PPM1A: variants seen among roughly 807,000 people sequenced by gnomAD.
PPM1A encodes protein phosphatase 1A.
In PPM1A, 7 loss-of-function variants were observed where a neutral mutation model predicts 35.0. That is an observed-to-expected ratio of 0.20 (90% CI 0.11 to 0.38). The LOEUF (loss-of-function observed/expected upper bound fraction) is 0.38. PPM1A is among the 10% of genes least tolerant of loss of function. PPM1A has a pLI of 1.00. For missense variants in PPM1A, 239 were observed against 467.8 expected (o/e 0.51, Z 4.51); for synonymous variants, 153 against 167.3 (o/e 0.91, Z 0.66).
Position 60,249,847 on chromosome 14 carries a change from G to A in PPM1A, c.-21+170G>A, listed in dbSNP as rs1299949129. ...GCCGGCCTCCTCCCCCGAGCCGGGC[G>A]GCGGACGGCGAGGGGTTAACGCTCG... On this transcript the variant is annotated intron_variant, in intron 1 of 5. Coordinates refer to ENST00000395076, the MANE Select transcript of PPM1A (RefSeq NM_021003.5). The surrounding 1 kb of genome is among the most constrained non-coding windows in gnomAD (Gnocchi z 4.5). Among the ~76,000 whole-genome samples, 7 of 151,444 alleles carry A rather than the reference G, an allele frequency of 4.6e-5. No homozygotes were observed. The highest frequency in any genetic ancestry group is 1.7e-4 in the African/African-American group (7 of 41,332).
rs773398411 is a variant in PPM1A at position 60,282,979 on chromosome 14, T to A, written c.276T>A (p.Pro92=). ...NQDFKGSAGA[P]SVENVKNGIR... is the part of the protein sequence containing the mutation. The stretch of plus-strand genomic sequence containing the variant: ...ATTTTAAAGGGTCTGCAGGAGCACC[T>A]TCTGTGGAAAATGTAAAGAATGGAA... The change falls in exon 2 of 6, where the codon CCT becomes CCA. Residue 92 remains proline (P), a synonymous_variant. Coordinates refer to ENST00000395076, the MANE Select transcript of PPM1A (RefSeq NM_021003.5). The surrounding 1 kb of genome is among the most constrained non-coding windows in gnomAD (Gnocchi z 5.1). 2.5e-6 allele frequency: 4 copies of A among 1,614,224 alleles called. No homozygotes were observed. The highest frequency in any genetic ancestry group is 3.4e-6 in the Non-Finnish European group (4 of 1,180,032).
Position 60,283,576 on chromosome 14 carries a change from G to C in PPM1A, c.834+39G>C. 1.3e-6 allele frequency: 2 copies of C among 1,550,536 alleles called. No homozygotes were observed. Among genetic ancestry groups the C allele is most frequent in the Non-Finnish European group, 1.7e-6 (2 of 1,152,016 alleles). ...TTTTAAAAACATAAAATGATTTTATGCCATATTAATCACTACTCTAGTATT... is the reference window on the plus strand; with the variant it reads ...TTTTAAAAACATAAAATGATTTTATCCCATATTAATCACTACTCTAGTATT... On this transcript the variant is annotated intron_variant, in intron 2 of 5. Coordinates refer to ENST00000395076, the MANE Select transcript of PPM1A (RefSeq NM_021003.5). The surrounding 1 kb of genome is among the most constrained non-coding windows in gnomAD (Gnocchi z 6.3).
chr14:60,266,131 T>C (rs918499028), intron 1 of PPM1A, among the ~76,000 whole-genome samples: 3 of 152,164 alleles, frequency 2.0e-5, no homozygotes, highest in African/African-American at 7.2e-5. Context: ...GTTTAATAGC[T>C]AGCAGGATTG....
At chr14:60,260,726 T>A (rs1382378511) in intron 1 of PPM1A, among the ~76,000 whole-genome samples, 1 of 152,150 alleles carries the variant, frequency 6.6e-6, no homozygotes, top group East Asian at 1.9e-4. Context: ...TTAATCCATT[T>A]TCTGTCTATA....
chr14:60,279,247 T>C (rs934227240), intron 1 of PPM1A, among the ~76,000 whole-genome samples: 2 of 152,002 alleles, frequency 1.3e-5, no homozygotes, highest in Admixed American at 1.3e-4. Flanking sequence ...GCCTCCTGAG[T>C]AGTTGGGATT....
At chr14:60,257,673 T>G (rs1222943470) in intron 1 of PPM1A, among the ~76,000 whole-genome samples, 1 of 152,244 alleles carries the variant, frequency 6.6e-6, no homozygotes, top group Admixed American at 6.5e-5. Flanking sequence ...TCTTGGATTC[T>G]TAGTACTACC....
Position 60,279,884 on chromosome 14 carries a change from TTATA to T in PPM1A, c.-20-2797_-20-2794del, listed in dbSNP as rs376555076. Among the ~76,000 whole-genome samples the T allele has an allele frequency of 3.9e-3, 595 of 152,200 alleles. 3 individuals are homozygous for T. The highest frequency in any genetic ancestry group is 6.2e-3 in the Non-Finnish European group (425 of 68,024). ...TCTGGCAGAAAAAATGGTGTAAAAA[TTATA>T]TAATAATATCTATATTATATTGAGT... On this transcript the variant is annotated intron_variant, in intron 1 of 5. Coordinates refer to ENST00000395076, the MANE Select transcript of PPM1A (RefSeq NM_021003.5).
At chr14:60,268,517 C>G (rs913421899) in intron 1 of PPM1A, 1 of 451,996 alleles carries the variant, frequency 2.2e-6, no homozygotes, top group Non-Finnish European at 2.9e-6. Context: ...TTATTTTTTT[C>G]ACATATAACA....
chr14:60,268,486 C>A, intron 1 of PPM1A: 1 of 750,772 alleles, frequency 1.3e-6, no homozygotes, highest in Non-Finnish European at 1.6e-6. Flanking sequence ...TTTAGTTAGA[C>A]TATTTAGTGG....
chr14:60,258,349 G>A (rs1883371923), intron 1 of PPM1A, among the ~76,000 whole-genome samples: 1 of 152,056 alleles, frequency 6.6e-6, no homozygotes, highest in African/African-American at 2.4e-5. Flanking sequence ...ATTGTGTAGA[G>A]AAAACTTTAG....
At chr14:60,275,955 T>C (rs895317548) in intron 1 of PPM1A, among the ~76,000 whole-genome samples, 1 of 152,132 alleles carries the variant, frequency 6.6e-6, no homozygotes, top group African/African-American at 2.4e-5. Context: ...CTAGAATTTA[T>C]TACTATTTCA....
chr14:60,258,282 A>G (rs1343509666), intron 1 of PPM1A, among the ~76,000 whole-genome samples: 6 of 152,126 alleles, frequency 3.9e-5, no homozygotes, highest in Non-Finnish European at 8.8e-5. Flanking sequence ...TGCATTGACA[A>G]TGGATTTCCC....
chr14:60,278,291 T>C (rs1885986366), intron 1 of PPM1A, among the ~76,000 whole-genome samples: 1 of 152,036 alleles, frequency 6.6e-6, no homozygotes, highest in African/African-American at 2.4e-5. Flanking sequence ...CTATGTGCTT[T>C]TAAAAGATTT....
rs533852808 is a variant in PPM1A, at chr14:60,250,098, G to A, written c.-21+421G>A. On this transcript the variant is annotated intron_variant, in intron 1 of 5. Coordinates refer to ENST00000395076, the MANE Select transcript of PPM1A (RefSeq NM_021003.5). ...CGGGCGCGCCGCCCCGGCTGTCCTGGGCTTCAGCCCCTGGGAGGGAGGCGG... is the reference window on the plus strand; with the variant it reads ...CGGGCGCGCCGCCCCGGCTGTCCTGAGCTTCAGCCCCTGGGAGGGAGGCGG... 5.8e-4 allele frequency among the ~76,000 whole-genome samples: 88 copies of A among 151,964 alleles called. No individual in the cohort carries two copies. The South Asian group carries it at 8.1e-3, about 14-fold the overall frequency.
In PPM1A at chr14:60,262,167, A is replaced by G. The variant is rs147909314; in HGVS notation, c.-21+12490A>G. ...GAAACCAAGTTTACAAAATGTCTATATATAATTTGTTTTTAATAACCAAGG... is the reference window on the plus strand; with the variant it reads ...GAAACCAAGTTTACAAAATGTCTATGTATAATTTGTTTTTAATAACCAAGG... On this transcript the variant is annotated intron_variant, in intron 1 of 5. Transcript: ENST00000395076. Among the ~76,000 whole-genome samples, 258 of 152,334 alleles carry G rather than the reference A, an allele frequency of 1.7e-3. 1 individual carries two copies. The East Asian group carries it at 0.03, about 17-fold the overall frequency.
rs1882058273 is a variant in PPM1A, at chr14:60,249,525, C to T, written c.-173C>T. 1 of 985,104 alleles carries T rather than the reference C, an allele frequency of 1.0e-6. No homozygotes were observed. The highest frequency in any genetic ancestry group is 4.6e-5 in the South Asian group (1 of 21,830). The allele number at this position is 985,104 out of a possible 1,614,324, so 61.0% of individuals were successfully genotyped here. On this transcript the variant is annotated 5_prime_UTR_variant, in exon 1 of 6. Transcript: ENST00000395076. The surrounding 1 kb of genome is among the most constrained non-coding windows in gnomAD (Gnocchi z 4.5). ...GCCCGGACGCAGCCCGGCTCCTCCCCTCCTCCGCCCCTTCCCCAGCCTGAC... is the reference window on the plus strand; with the variant it reads ...GCCCGGACGCAGCCCGGCTCCTCCCTTCCTCCGCCCCTTCCCCAGCCTGAC...
intron 1 of PPM1A, chr14:60,256,762 T>C (rs1411538815): frequency 6.6e-6 from 1 of 152,240 alleles, no homozygotes; most frequent in African/African-American, 2.4e-5. Flanking sequence ...AACAGAGCAG[T>C]TATTTGCCAA....
intron 1 of PPM1A, among the ~76,000 whole-genome samples, chr14:60,269,108 A>G (rs142994417): frequency 3.9e-4 from 60 of 152,252 alleles, no homozygotes; most frequent in East Asian, 2.9e-3. Flanking sequence ...TCTTTTACCA[A>G]TTTAAAACAT....
upstream of PPM1A, among the ~76,000 whole-genome samples, chr14:60,247,471 T>C (rs1881856853): frequency 6.6e-6 from 1 of 150,646 alleles, no homozygotes; most frequent in African/African-American, 2.4e-5. Context: ...GAACTAAAAA[T>C]ACAAAAAAAT....
Sources: allele counts gnomAD v4.1 joint callset (sites outside exome capture counted in the v4.1 genomes callset), GRCh38; gene constraint gnomAD v4.1.1; non-coding constraint Gnocchi (gnomAD v3.1); transcripts MANE v1.5; gene names NCBI Gene and HGNC (gene_info 2026-07-23, HGNC 2026-07-21).